The following SNTB1 variants were observed in gnomAD, a reference collection of about 807,000 sequenced individuals.
SNTB1 encodes syntrophin beta 1.
A neutral mutation model predicts 48.9 loss-of-function variants in SNTB1; 36 were observed. That is an observed-to-expected ratio of 0.74 (90% CI 0.56 to 0.97). The LOEUF (loss-of-function observed/expected upper bound fraction) is 0.97. Ranked by LOEUF, SNTB1 falls within the 50% of genes least tolerant of loss-of-function variation. The pLI is 0.00. For synonymous variants in SNTB1, 299 were observed against 294.6 expected, an observed-to-expected ratio of 1.01 and a Z score of -0.15; for missense variants, 786 against 703.4, an observed-to-expected ratio of 1.12 and a Z score of -1.33.
chr8:120,559,006 T>A (rs909479810), intron 4 of SNTB1, among the ~76,000 whole-genome samples: 4 of 152,152 alleles, frequency 2.6e-5, no homozygotes, highest in African/African-American at 7.2e-5. Context: ...AGAGAACAAT[T>A]TCCCAAGAAG....
At position 120,697,797 on chromosome 8, in the gene SNTB1, T is replaced by A. The variant is rs150784260; in HGVS notation, c.572-3889A>T. 5.9e-5 allele frequency among the ~76,000 whole-genome samples: 9 copies of A among 152,320 alleles called. No individual in the cohort carries two copies. In the East Asian group the frequency reaches 1.2e-3, roughly 20 times the overall value. On this transcript the variant is annotated intron_variant, in intron 1 of 6. Transcript: ENST00000517992. Reference sequence around the variant, plus strand: ...AGAGACAAATGAAACCTTGAGAGAATCTTCCACAAATTCTTTAAAAGTGAT... The same window carrying A: ...AGAGACAAATGAAACCTTGAGAGAAACTTCCACAAATTCTTTAAAAGTGAT...
intron 2 of SNTB1, among the ~76,000 whole-genome samples, chr8:120,661,317 A>C (rs182207849): frequency 2.0e-4 from 30 of 152,330 alleles, no homozygotes; most frequent in Admixed American, 1.5e-3. Context: ...TGAATGAATG[A>C]CCAAAGACAA....
chr8:120,577,258 G>A (rs541914146), intron 3 of SNTB1, among the ~76,000 whole-genome samples: 4 of 152,222 alleles, frequency 2.6e-5, no homozygotes, highest in Non-Finnish European at 5.9e-5. Context: ...TGCCCTCCCC[G>A]ACTCCGCTGC....
At chr8:120,793,492 C>T (rs935217069) in intron 1 of SNTB1, among the ~76,000 whole-genome samples, 4 of 152,034 alleles carry the variant, frequency 2.6e-5, no homozygotes, top group Non-Finnish European at 5.9e-5. Flanking sequence ...AGAGAGAGGA[C>T]ACAGGCTGCC....
intron 3 of SNTB1, among the ~76,000 whole-genome samples, chr8:120,594,296 G>A (rs566891757): frequency 1.8e-4 from 28 of 152,172 alleles, no homozygotes; most frequent in African/African-American, 6.7e-4. Flanking sequence ...GGAGTGCAAT[G>A]GTGCAGTCTC....
intron 2 of SNTB1, among the ~76,000 whole-genome samples, chr8:120,654,039 CAAAAAAAAA>C (rs58873007): frequency 8.3e-4 from 21 of 25,172 alleles, no homozygotes; most frequent in South Asian, 5.9e-3. Context: ...GACTCTGCCT[CAAAAAAAAA>C]AAAAAAAAAA....
At chr8:120,734,524 T>C (rs1818910239) in intron 1 of SNTB1, among the ~76,000 whole-genome samples, 1 of 152,158 alleles carries the variant, frequency 6.6e-6, no homozygotes, top group South Asian at 2.1e-4. Flanking sequence ...GCGCCAGGCT[T>C]TATGCCACCT....
chr8:120,588,730 G>A (rs904769572), intron 3 of SNTB1, among the ~76,000 whole-genome samples: 3 of 152,190 alleles, frequency 2.0e-5, no homozygotes, highest in Non-Finnish European at 4.4e-5. Flanking sequence ...ACTGTTAGGA[G>A]GATGGAATTA....
chr8:120,621,345 A>G (rs1816791213), intron 3 of SNTB1, among the ~76,000 whole-genome samples: 1 of 152,234 alleles, frequency 6.6e-6, no homozygotes, highest in African/African-American at 2.4e-5. Context: ...AGGGAAAAGA[A>G]GATGCAGTAA....
At chr8:120,727,646 T>C (rs1818781458) in intron 1 of SNTB1, among the ~76,000 whole-genome samples, 1 of 152,198 alleles carries the variant, frequency 6.6e-6, no homozygotes, top group African/African-American at 2.4e-5. Flanking sequence ...AAGACCCAAG[T>C]TGAAATTTAG....
At chr8:120,804,379 T>G (rs1457928900) in intron 1 of SNTB1, among the ~76,000 whole-genome samples, 2 of 152,148 alleles carry the variant, frequency 1.3e-5, no homozygotes, top group Non-Finnish European at 2.9e-5. Context: ...CCGGCTCAAG[T>G]ACTTCATAAT....
intron 3 of SNTB1, among the ~76,000 whole-genome samples, chr8:120,601,487 T>C (rs1394368152): frequency 6.6e-6 from 1 of 152,156 alleles, no homozygotes; most frequent in East Asian, 1.9e-4. Flanking sequence ...CAGTTGAGAG[T>C]TTCACCATAT....
intron 5 of SNTB1, among the ~76,000 whole-genome samples, chr8:120,547,366 C>T (rs370839144): frequency 2.0e-5 from 3 of 152,028 alleles, no homozygotes; most frequent in African/African-American, 7.2e-5. Flanking sequence ...GAAGTCAAGG[C>T]ACATAGATCA....
intron 1 of SNTB1, among the ~76,000 whole-genome samples, chr8:120,790,006 C>G (rs755305296): frequency 1.3e-5 from 2 of 151,912 alleles, no homozygotes; most frequent in Non-Finnish European, 2.9e-5. Flanking sequence ...TCTAGCCAAC[C>G]AAATCCAACA....
At chr8:120,581,369 C>T (rs552482846) in intron 3 of SNTB1, among the ~76,000 whole-genome samples, 2 of 152,038 alleles carry the variant, frequency 1.3e-5, no homozygotes, top group East Asian at 1.9e-4. Context: ...TTTGGGAGGC[C>T]GAGGTGGGCA....
intron 1 of SNTB1, among the ~76,000 whole-genome samples, chr8:120,770,011 G>A (rs1235767821): frequency 1.3e-5 from 2 of 152,150 alleles, no homozygotes; most frequent in African/African-American, 4.8e-5. Flanking sequence ...TCTGCTACAC[G>A]TAGTTCTTCT....
intron 3 of SNTB1, among the ~76,000 whole-genome samples, chr8:120,592,575 G>C (rs1435437283): frequency 6.6e-6 from 1 of 152,122 alleles, no homozygotes; most frequent in Non-Finnish European, 1.5e-5. Context: ...ATAAATATTT[G>C]TTAAGCACAT....
chr8:120,754,787 C>T (rs1819286166), intron 1 of SNTB1, among the ~76,000 whole-genome samples: 1 of 152,102 alleles, frequency 6.6e-6, no homozygotes, highest in Non-Finnish European at 1.5e-5. Context: ...TAAGCAAAGG[C>T]TACAGAAAGG....
At position 120,652,730 on chromosome 8, in the gene SNTB1, G is replaced by T. The variant is rs147433774; in HGVS notation, c.789-20079C>A. ...GGTGATAACATTCACAGGGTTACTG[G>T]AGTATCAAATGAGATAATAATTATG... is the stretch of plus-strand genomic sequence containing the variant. On this transcript the variant is annotated intron_variant, in intron 2 of 6. Coordinates refer to ENST00000517992, the MANE Select transcript of SNTB1 (RefSeq NM_021021.4). 2.6e-3 allele frequency among the ~76,000 whole-genome samples: 402 copies of T among 152,266 alleles called. 1 individual carries two copies. The highest frequency in any genetic ancestry group is 9.0e-3 in the African/African-American group (373 of 41,548).
Sources: allele counts gnomAD v4.1 joint callset (sites outside exome capture counted in the v4.1 genomes callset), GRCh38; gene constraint gnomAD v4.1.1; transcripts MANE v1.5; gene names NCBI Gene and HGNC (gene_info 2026-07-23, HGNC 2026-07-21).